Variants in ENOPH1 observed in about 807,000 individuals in gnomAD.
ENOPH1 encodes enolase-phosphatase 1, also known as enolase-phosphatase E1.
Under a neutral mutation model 31.1 loss-of-function variants are expected in ENOPH1, and 14 were observed. That is an observed-to-expected ratio of 0.45 (90% CI 0.30 to 0.70). ENOPH1 has a LOEUF of 0.70. Among genes scored for constraint, ENOPH1 ranks in the 30% least tolerant of loss-of-function variants. The pLI is 0.09. For missense variants in ENOPH1, 243 were observed against 321.5 expected (o/e 0.76, Z 1.87); for synonymous variants, 127 against 123.2 (o/e 1.03, Z -0.21).
chr4:82,451,064 G>A lies in ENOPH1; in HGVS notation c.208G>A (p.Asp70Asn). ...AAAGGCTGAAGAGGACGCCCACCTGGATGGGGCTGTTCCTATCCCTGCAGC... is the reference window on the plus strand; with the variant it reads ...AAAGGCTGAAGAGGACGCCCACCTGAATGGGGCTGTTCCTATCCCTGCAGC... ...RKQAEEDAHL[D>N]GAVPIPAASG... The change falls in exon 3 of 6, where the codon GAT (aspartate) becomes AAT (asparagine). Residue 70 changes from aspartate (D) to asparagine (N), a missense_variant. Physicochemically the swap from Asp to Asn is conservative, Grantham distance 23. Coordinates refer to ENST00000273920, the MANE Select transcript of ENOPH1 (RefSeq NM_021204.5). The A allele has an allele frequency of 6.2e-7, 1 of 1,614,152 alleles. No individual in the cohort carries two copies. The highest frequency in any genetic ancestry group is 8.5e-7 in the Non-Finnish European group (1 of 1,180,026).
At chr4:82,447,335 A>C (rs577437032) in intron 1 of ENOPH1, among the ~76,000 whole-genome samples, 1 of 152,054 alleles carries the variant, frequency 6.6e-6, no homozygotes, top group South Asian at 2.1e-4. Flanking sequence ...GTTACCAAGA[A>C]AGAGTCATGG....
At chr4:82,448,148 C>T in intron 2 of ENOPH1, 127 bp downstream of exon 2, 1 of 539,944 alleles carries the variant, frequency 1.9e-6, no homozygotes, top group Non-Finnish European at 3.3e-6. Context: ...GTTGCAGTGA[C>T]TTAGTGAGTT....
intron 5 of ENOPH1, among the ~76,000 whole-genome samples, chr4:82,458,841 A>G (rs1722568708): frequency 6.6e-6 from 1 of 152,102 alleles, no homozygotes; most frequent in African/African-American, 2.4e-5. Flanking sequence ...CCACACAGAG[A>G]GGGGAGTCTT....
chr4:82,442,490 AC>A (rs1199376120), intron 1 of ENOPH1, among the ~76,000 whole-genome samples: 10 of 152,148 alleles, frequency 6.6e-5, no homozygotes, highest in East Asian at 3.9e-4. Context: ...ATTGTATTCC[AC>A]CCTGGGTGAC....
chr4:82,451,225 A>G lies in ENOPH1; in HGVS notation c.369A>G (p.Thr123=). ...LQGHMWRAAF[T]AGRMKAEFFA... is the part of the protein sequence containing the mutation. ...GCCACATGTGGAGGGCGGCATTCAC[A>G]GCTGGGCGCATGAAAGCAGAGTATG... The change falls in exon 3 of 6, where the codon ACA becomes ACG. Residue 123 remains threonine (T), a synonymous_variant. Transcript: ENST00000273920. 1 of 1,614,198 alleles carries G rather than the reference A, an allele frequency of 6.2e-7. No individual in the cohort carries two copies. The highest frequency in any genetic ancestry group is 8.5e-7 in the Non-Finnish European group (1 of 1,180,040).
chr4:82,447,349 T>C (rs1035145818), intron 1 of ENOPH1, among the ~76,000 whole-genome samples: 1 of 152,096 alleles, frequency 6.6e-6, no homozygotes. Flanking sequence ...GTCATGGTGA[T>C]CAAGTTTGTT....
At chr4:82,446,676 TG>T (rs201979659) in intron 1 of ENOPH1, among the ~76,000 whole-genome samples, 10,807 of 137,664 alleles carry the variant, frequency 0.079, 1,037 homozygotes, top group Non-Finnish European at 0.096. Context: ...TTTTTTTTTT[TG>T]TGTGACGGAA....
At chr4:82,458,458 C>T (rs181905136) in intron 5 of ENOPH1, among the ~76,000 whole-genome samples, 5 of 152,148 alleles carry the variant, frequency 3.3e-5, no homozygotes, top group South Asian at 2.1e-4. Flanking sequence ...TGGGATGAGC[C>T]GAGATCATGC....
chr4:82,442,358 A>G (rs1486726022), intron 1 of ENOPH1, among the ~76,000 whole-genome samples: 2 of 152,140 alleles, frequency 1.3e-5, no homozygotes, highest in African/African-American at 4.8e-5. Context: ...CATCTCTACT[A>G]AAAATGCAAA....
At chr4:82,452,918 T>TTTC (rs1553902925) in intron 3 of ENOPH1, among the ~76,000 whole-genome samples, 14 of 144,828 alleles carry the variant, frequency 9.7e-5, no homozygotes, top group African/African-American at 2.4e-4. Context: ...TTTTTTTTTT[T>TTTC]TGAGACGGAG....
At position 82,443,514 on chromosome 4, in the gene ENOPH1, G is replaced by A. The variant is rs1487053150; in HGVS notation, c.85-4406G>A. 2.0e-5 allele frequency among the ~76,000 whole-genome samples: 3 copies of A among 151,728 alleles called. No individual in the cohort carries two copies. The East Asian group carries it at 5.9e-4, about 30-fold the overall frequency. On this transcript the variant is annotated intron_variant, in intron 1 of 5. Coordinates refer to ENST00000273920, the MANE Select transcript of ENOPH1 (RefSeq NM_021204.5). ...GAGGCCGAGGCTGGCAGATCACGAGGTCAGGAGATCGAGGCCATCCTGGTT... is the reference window on the plus strand; with the variant it reads ...GAGGCCGAGGCTGGCAGATCACGAGATCAGGAGATCGAGGCCATCCTGGTT...
At position 82,430,683 on chromosome 4, in the gene ENOPH1, C is replaced by T. The variant is rs772091066; in HGVS notation, c.-147C>T. The stretch of plus-strand genomic sequence containing the variant: ...GGTGTGCAGAAGTGTCCTCTCCCCA[C>T]GCGCGGCGGGCTGCACTTGGTCGCT... On this transcript the variant is annotated 5_prime_UTR_variant, in exon 1 of 6. In the 5' UTR this introduces an upstream ATG that the reference lacks. Transcript: ENST00000273920. The T allele has an allele frequency of 3.0e-6, 2 of 665,236 alleles. No homozygotes were observed. The highest frequency in any genetic ancestry group is 5.2e-6 in the Non-Finnish European group (2 of 387,394). 41.2% of individuals were successfully genotyped at this position (665,236 alleles called of 1,614,324 possible). A position where few individuals can be genotyped will look rare whatever the true frequency, so the allele number is the denominator to read the frequency against.
intron 1 of ENOPH1, among the ~76,000 whole-genome samples, chr4:82,446,578 G>GGA (rs1722189702): frequency 6.6e-6 from 1 of 151,990 alleles, no homozygotes; most frequent in Non-Finnish European, 1.5e-5. Context: ...AGTAAAAAGC[G>GGA]GAGGTAGAAG....
intron 1 of ENOPH1, among the ~76,000 whole-genome samples, chr4:82,436,482 T>C (rs913910714): frequency 6.6e-6 from 1 of 151,958 alleles, no homozygotes; most frequent in African/African-American, 2.4e-5. Flanking sequence ...ACCTAGGAGT[T>C]CAAGACCAGC....
chr4:82,438,353 A>T (rs545868049), intron 1 of ENOPH1, among the ~76,000 whole-genome samples: 10 of 152,272 alleles, frequency 6.6e-5, no homozygotes, highest in African/African-American at 2.4e-4. Flanking sequence ...ATATGTAGTC[A>T]GACTTATTGA....
At chr4:82,450,777 A>G (rs1722326871) in intron 2 of ENOPH1, among the ~76,000 whole-genome samples, 1 of 152,230 alleles carries the variant, frequency 6.6e-6, no homozygotes, top group Non-Finnish European at 1.5e-5. Flanking sequence ...TCTTAATTCT[A>G]TCATTATGTG....
intron 1 of ENOPH1, among the ~76,000 whole-genome samples, chr4:82,446,415 C>A (rs890397671): frequency 1.4e-5 from 2 of 141,852 alleles, no homozygotes; most frequent in Non-Finnish European, 3.0e-5. Context: ...AAGCAAGACT[C>A]CATCTCAAAA....
At chr4:82,444,803 A>G (rs574619688) in intron 1 of ENOPH1, among the ~76,000 whole-genome samples, 1 of 152,308 alleles carries the variant, frequency 6.6e-6, no homozygotes, top group South Asian at 2.1e-4. Flanking sequence ...ACAACTCCCT[A>G]AGTGCCTGGT....
chr4:82,437,324 A>G (rs568928348), intron 1 of ENOPH1, among the ~76,000 whole-genome samples: 1 of 152,274 alleles, frequency 6.6e-6, no homozygotes, highest in Admixed American at 6.5e-5. Flanking sequence ...ACAGTTACAT[A>G]AATAGGTCGC....
Sources: gnomAD v4.1 joint callset for allele counts (sites outside exome capture counted in the v4.1 genomes callset) on GRCh38, gnomAD v4.1.1 for gene constraint, MANE v1.5 for transcripts, NCBI Gene and HGNC (gene_info 2026-07-23, HGNC 2026-07-21) for gene names.